TEAD1: variants seen among roughly 807,000 people sequenced by gnomAD.
The protein encoded by TEAD1 is TEA domain transcription factor 1.
In TEAD1, 9 loss-of-function variants were observed where a neutral mutation model predicts 54.9. That is an observed-to-expected ratio of 0.16 (90% CI 0.10 to 0.29). The LOEUF (loss-of-function observed/expected upper bound fraction) is 0.29, where lower values mean the gene tolerates loss of function less well. TEAD1 is among the 10% of genes least tolerant of loss of function. The pLI is 1.00. For missense variants in TEAD1, 387 were observed against 535.9 expected (o/e 0.72, Z 2.74); for synonymous variants, 200 against 187.8 (o/e 1.07, Z -0.53).
At chr11:12,890,087 A>G (rs1222680298) in intron 9 of TEAD1, among the ~76,000 whole-genome samples, 2 of 152,180 alleles carry the variant, frequency 1.3e-5, no homozygotes, top group Non-Finnish European at 2.9e-5. Context: ...CTGTATTAGT[A>G]TGCTGAGCAT....
intron 3 of TEAD1, among the ~76,000 whole-genome samples, chr11:12,776,397 G>A (rs1310192065): frequency 6.6e-6 from 1 of 152,054 alleles, no homozygotes; most frequent in East Asian, 1.9e-4. Flanking sequence ...GAGAGTAGAC[G>A]TGGTTTATTC....
intron 3 of TEAD1, among the ~76,000 whole-genome samples, chr11:12,851,439 A>G (rs1057207832): frequency 6.6e-6 from 1 of 152,230 alleles, no homozygotes; most frequent in Admixed American, 6.5e-5. Context: ...TAGCCATTTT[A>G]TTATCTATAT....
chr11:12,695,869 C>T (rs1943569583), intron 2 of TEAD1, among the ~76,000 whole-genome samples: 1 of 152,196 alleles, frequency 6.6e-6, no homozygotes, highest in Admixed American at 6.5e-5. Context: ...CTCCCCAACC[C>T]TTGCATTCAT....
At chr11:12,808,918 G>A (rs1163098329) in intron 3 of TEAD1, among the ~76,000 whole-genome samples, 1 of 152,176 alleles carries the variant, frequency 6.6e-6, no homozygotes, top group Non-Finnish European at 1.5e-5. Flanking sequence ...GTGACAGGCT[G>A]CATAATTCTC....
At chr11:12,743,750 G>C (rs184646938) in intron 2 of TEAD1, among the ~76,000 whole-genome samples, 6 of 152,296 alleles carry the variant, frequency 3.9e-5, no homozygotes, top group Admixed American at 3.9e-4. Flanking sequence ...GGGGGAGAAG[G>C]TTACCCATGA....
intron 2 of TEAD1, among the ~76,000 whole-genome samples, chr11:12,705,951 C>G (rs562990908): frequency 6.6e-6 from 1 of 152,128 alleles, no homozygotes; most frequent in Non-Finnish European, 1.5e-5. Context: ...AGTGTGATTA[C>G]CCTCGTTTGT....
chr11:12,837,720 C>CCTTCTG (rs1946929227), intron 3 of TEAD1, among the ~76,000 whole-genome samples: 2 of 141,468 alleles, frequency 1.4e-5, no homozygotes, highest in Admixed American at 1.4e-4. Context: ...TTCTCCTTCT[C>CCTTCTG]CTTCTTCTTC....
chr11:12,675,197 G>T (rs1441168291), intron 1 of TEAD1, among the ~76,000 whole-genome samples: 2 of 151,408 alleles, frequency 1.3e-5, no homozygotes, highest in Admixed American at 6.6e-5. Context: ...GGGTGCGCTG[G>T]GGAGCCAGAA....
intron 2 of TEAD1, among the ~76,000 whole-genome samples, chr11:12,743,482 A>C (rs1382863990): frequency 1.3e-5 from 2 of 152,228 alleles, no homozygotes; most frequent in Non-Finnish European, 2.9e-5. Flanking sequence ...CAATATAATT[A>C]GTATTAGAAC....
At chr11:12,884,112 T>TAAA (rs775283155) in intron 9 of TEAD1, among the ~76,000 whole-genome samples, 6 of 152,086 alleles carry the variant, frequency 3.9e-5, no homozygotes, top group Non-Finnish European at 8.8e-5. Context: ...ATTTGTCACT[T>TAAA]TCTTCTTTCC....
intron 5 of TEAD1, among the ~76,000 whole-genome samples, chr11:12,875,396 G>A (rs1167235200): frequency 1.3e-5 from 2 of 152,136 alleles, no homozygotes; most frequent in Admixed American, 6.5e-5. Context: ...CAATTTAGAG[G>A]TCCTTCCATT....
At chr11:12,800,837 T>G (rs979893335) in intron 3 of TEAD1, among the ~76,000 whole-genome samples, 3 of 152,214 alleles carry the variant, frequency 2.0e-5, no homozygotes, top group Non-Finnish European at 4.4e-5. Context: ...CTCATAGATT[T>G]CTAAGAGTCC....
chr11:12,927,868 A>C (rs1349255906), intron 11 of TEAD1, among the ~76,000 whole-genome samples: 1 of 152,154 alleles, frequency 6.6e-6, no homozygotes, highest in Non-Finnish European at 1.5e-5. Context: ...GCAAATTCTC[A>C]TACTTAACTT....
intron 3 of TEAD1, among the ~76,000 whole-genome samples, chr11:12,777,314 A>G (rs755483657): frequency 1.1e-4 from 17 of 152,200 alleles, no homozygotes; most frequent in Non-Finnish European, 1.9e-4. Flanking sequence ...ACATATGTTA[A>G]TAAGCTGAGT....
chr11:12,799,643 A>T (rs1039175906), intron 3 of TEAD1, among the ~76,000 whole-genome samples: 1 of 152,234 alleles, frequency 6.6e-6, no homozygotes, highest in African/African-American at 2.4e-5. Flanking sequence ...CATTTAACAA[A>T]TGAAGTAAGT....
chr11:12,910,578 A>G (rs907739746), intron 10 of TEAD1, among the ~76,000 whole-genome samples: 2 of 152,200 alleles, frequency 1.3e-5, no homozygotes, highest in Non-Finnish European at 2.9e-5. Flanking sequence ...TTTTAAATAT[A>G]CATTTAATAT....
intron 2 of TEAD1, among the ~76,000 whole-genome samples, chr11:12,722,364 C>T (rs1350051881): frequency 6.6e-6 from 1 of 152,170 alleles, no homozygotes; most frequent in Non-Finnish European, 1.5e-5. Context: ...ACACCATGCA[C>T]TGAGCCAGGT....
chr11:12,923,704 C>A (rs557461424), intron 10 of TEAD1, among the ~76,000 whole-genome samples: 2 of 152,094 alleles, frequency 1.3e-5, no homozygotes, highest in Non-Finnish European at 2.9e-5. Flanking sequence ...TGTCCAAGAT[C>A]GAATCTGTAG....
intron 9 of TEAD1, among the ~76,000 whole-genome samples, chr11:12,897,683 A>G (rs1948339293): frequency 6.6e-6 from 1 of 152,198 alleles, no homozygotes; most frequent in African/African-American, 2.4e-5. Flanking sequence ...TCAGCCTTGA[A>G]CACAGAGGTA....
Sources: allele counts gnomAD v4.1 joint callset (sites outside exome capture counted in the v4.1 genomes callset), GRCh38; gene constraint gnomAD v4.1.1; transcripts MANE v1.5; gene names NCBI Gene and HGNC (gene_info 2026-07-23, HGNC 2026-07-21).